The following ROBO1 variants were observed in gnomAD, a reference collection of about 807,000 sequenced individuals.
ROBO1 encodes roundabout homolog 1.
Under a neutral mutation model 195.9 loss-of-function variants are expected in ROBO1, and 149 were observed. That is an observed-to-expected ratio of 0.76 (90% CI 0.67 to 0.87). The LOEUF is 0.87. Among genes scored for constraint, ROBO1 ranks in the 40% least tolerant of loss-of-function variants. ROBO1 has a pLI of 0.00. For missense variants in ROBO1, 1,933 were observed against 2,068.3 expected (o/e 0.93, Z 1.27); for synonymous variants, 816 against 733.2 (o/e 1.11, Z -1.82).
At chr3:78,710,456 AACT>A (rs1268559492) in intron 8 of ROBO1, among the ~76,000 whole-genome samples, 7 of 152,326 alleles carry the variant, frequency 4.6e-5, no homozygotes, top group Middle Eastern at 3.4e-3. Context: ...AATTATCTAA[AACT>A]ACTATTTTTC....
chr3:79,002,926 C>A (rs1341868061), intron 3 of ROBO1, among the ~76,000 whole-genome samples: 1 of 152,082 alleles, frequency 6.6e-6, no homozygotes, highest in Non-Finnish European at 1.5e-5. Flanking sequence ...TTCCACATTT[C>A]TCAGTCCCTG....
intron 21 of ROBO1, 21 bp downstream of exon 21, chr3:78,646,127 C>A (rs1399655920): frequency 1.3e-6 from 2 of 1,597,268 alleles, no homozygotes; most frequent in Non-Finnish European, 1.7e-6. Flanking sequence ...GTAGGATCTA[C>A]AAAACAAGCA....
chr3:79,637,121 C>A (rs1398435334), intron 1 of ROBO1, among the ~76,000 whole-genome samples: 4 of 152,224 alleles, frequency 2.6e-5, no homozygotes, highest in Non-Finnish European at 4.4e-5. Flanking sequence ...GGTAATTGGG[C>A]AGCCCAATGA....
chr3:78,867,584 T>G (rs2035261347), intron 4 of ROBO1, among the ~76,000 whole-genome samples: 1 of 152,202 alleles, frequency 6.6e-6, no homozygotes, highest in Non-Finnish European at 1.5e-5. Flanking sequence ...CTTTAAGGGA[T>G]GTTTTCTTTT....
intron 1 of ROBO1, among the ~76,000 whole-genome samples, chr3:79,694,319 ATTTAC>A (rs970288024): frequency 5.9e-5 from 9 of 151,810 alleles, no homozygotes; most frequent in African/African-American, 2.2e-4. Flanking sequence ...AAAATGGCCT[ATTTAC>A]TTATCTCTTT....
intron 2 of ROBO1, among the ~76,000 whole-genome samples, chr3:79,486,769 T>C (rs1283491837): frequency 6.6e-6 from 1 of 152,150 alleles, no homozygotes; most frequent in Non-Finnish European, 1.5e-5. Context: ...AGAAGTATTT[T>C]GAGCTGAAGG....
intron 1 of ROBO1, among the ~76,000 whole-genome samples, chr3:79,711,345 A>G (rs951404958): frequency 6.6e-6 from 1 of 152,208 alleles, no homozygotes; most frequent in Admixed American, 6.6e-5. Context: ...AAAGTTTAGT[A>G]AGTTATAAGA....
chr3:78,823,191 T>TTTTAAAATGA (rs1352733202), intron 4 of ROBO1, among the ~76,000 whole-genome samples: 37 of 428 alleles, frequency 0.086, no homozygotes, highest in African/African-American at 0.23. Flanking sequence ...TTAAAATGAT[T>TTTTAAAATGA]TTTTTTTTTT....
chr3:79,185,453 C>T (rs992840905), intron 2 of ROBO1, among the ~76,000 whole-genome samples: 5 of 152,132 alleles, frequency 3.3e-5, no homozygotes, highest in African/African-American at 9.7e-5. Flanking sequence ...CTATTTATGT[C>T]GTTTGATGAT....
At chr3:79,600,716 A>C (rs542606116) in intron 1 of ROBO1, among the ~76,000 whole-genome samples, 1 of 152,040 alleles carries the variant, frequency 6.6e-6, no homozygotes, top group Non-Finnish European at 1.5e-5. Context: ...TAAAGATAAA[A>C]AATCCACACT....
chr3:78,908,582 T>A, intron 4 of ROBO1, among the ~76,000 whole-genome samples: 1 of 151,934 alleles, frequency 6.6e-6, no homozygotes, highest in East Asian at 1.9e-4. Context: ...CTTTCTGTGC[T>A]CATTAGAATC....
chr3:79,319,005 G>A (rs896568892), intron 2 of ROBO1, among the ~76,000 whole-genome samples: 7 of 152,112 alleles, frequency 4.6e-5, no homozygotes, highest in Admixed American at 4.6e-4. Flanking sequence ...AAAAGTACAA[G>A]TGCAGTTTTG....
chr3:78,860,062 G>C (rs1165807050), intron 4 of ROBO1, among the ~76,000 whole-genome samples: 2 of 149,806 alleles, frequency 1.3e-5, no homozygotes, highest in East Asian at 3.9e-4. Context: ...CTGGGTGACA[G>C]AGCGAGACTT....
rs576197562 is a variant in ROBO1, at chr3:78,629,906, C to T, written c.3626+1255G>A. On this transcript the variant is annotated intron_variant, in intron 25 of 30. Transcript: ENST00000464233. ...TTGCTTTCTTGTGTCAGTTCTCACA[C>T]GGTAAACAAGCGTCCTTTTCATGGT... 4.3e-4 allele frequency among the ~76,000 whole-genome samples: 66 copies of T among 152,278 alleles called. 1 individual carries two copies. The highest frequency in any genetic ancestry group is 1.5e-3 in the South Asian group (7 of 4,826).
chr3:79,621,405 G>A (rs1031851719), intron 1 of ROBO1, among the ~76,000 whole-genome samples: 1 of 152,128 alleles, frequency 6.6e-6, no homozygotes, highest in Non-Finnish European at 1.5e-5. Context: ...CTCACACAAA[G>A]CCTGTTTGGT....
chr3:78,777,036 AATT>A (rs2083528143), intron 4 of ROBO1, among the ~76,000 whole-genome samples: 1 of 152,160 alleles, frequency 6.6e-6, no homozygotes, highest in Non-Finnish European at 1.5e-5. Flanking sequence ...TCTCTATAAT[AATT>A]ACTACTATTA....
rs370408562 is a variant in ROBO1 at position 79,742,394 on chromosome 3, G to A, written c.-51+25358C>T. On this transcript the variant is annotated intron_variant, in intron 1 of 30. Transcript: ENST00000464233. ...CTCCAGCTCCAGCTGTGGCTAAAAG[G>A]GCCAGATATGTTTCAGGCTGCCGCT... Among the ~76,000 whole-genome samples the A allele has an allele frequency of 7.2e-5, 11 of 152,238 alleles. No homozygotes were observed. In the East Asian group the frequency reaches 2.1e-3, roughly 30 times the overall value.
At chr3:78,783,022 G>T (rs1404964689) in intron 4 of ROBO1, among the ~76,000 whole-genome samples, 1 of 152,108 alleles carries the variant, frequency 6.6e-6, no homozygotes, top group African/African-American at 2.4e-5. Flanking sequence ...ATGAATTCGT[G>T]ACTAAAGAAC....
intron 4 of ROBO1, among the ~76,000 whole-genome samples, chr3:78,880,587 T>A (rs2107250082): frequency 6.6e-6 from 1 of 152,254 alleles, no homozygotes; most frequent in South Asian, 2.1e-4. Context: ...CAAAGAAAAT[T>A]GTTTTACATT....
Sources: allele counts gnomAD v4.1 joint callset (sites outside exome capture counted in the v4.1 genomes callset), GRCh38; gene constraint gnomAD v4.1.1; transcripts MANE v1.5; gene names NCBI Gene and HGNC (gene_info 2026-07-23, HGNC 2026-07-21).